Variants in NPAS2 observed in about 807,000 individuals in gnomAD.
NPAS2 encodes the protein neuronal PAS domain protein 2, also known as neuronal PAS domain-containing protein 2.
NPAS2 carries 23 observed loss-of-function variants against 107.5 expected under a neutral mutation model. The observed-to-expected ratio is 0.21, with a 90% CI of 0.15 to 0.30. NPAS2 has a LOEUF of 0.30. NPAS2 is among the 10% of genes least tolerant of loss of function. The pLI, the probability that NPAS2 is intolerant of heterozygous loss-of-function variation, is 1.00. For synonymous variants in NPAS2, 403 were observed against 417.5 expected, an observed-to-expected ratio of 0.97 and a Z score of 0.42; for missense variants, 756 against 1,043.3, an observed-to-expected ratio of 0.72 and a Z score of 3.79.
intron 4 of NPAS2, among the ~76,000 whole-genome samples, chr2:100,936,013 A>G (rs1684277114): frequency 6.6e-6 from 1 of 152,192 alleles, no homozygotes. Context: ...AAATGCCTCC[A>G]GACATTACCA....
chr2:100,982,115 TG>T, intron 15 of NPAS2, 115 bp from the exon 16 acceptor site: 1 of 1,293,470 alleles, frequency 7.7e-7, no homozygotes, highest in Non-Finnish European at 1.1e-6. Context: ...TTAGGGATGC[TG>T]GGAAAGACGG....
chr2:100,972,563 G>A (rs1163214356), intron 12 of NPAS2: 2 of 152,284 alleles, frequency 1.3e-5, no homozygotes, highest in African/African-American at 4.8e-5. Context: ...CAAGATCAGA[G>A]AGCAGTGGGT....
intron 1 of NPAS2, among the ~76,000 whole-genome samples, chr2:100,904,265 G>A (rs981399970): frequency 2.6e-5 from 4 of 152,276 alleles, no homozygotes; most frequent in South Asian, 2.1e-4. Context: ...AGGTGCGTGC[G>A]ACCTAAGGCT....
intron 1 of NPAS2, among the ~76,000 whole-genome samples, chr2:100,821,402 C>G (rs988272292): frequency 1.3e-5 from 2 of 151,980 alleles, no homozygotes; most frequent in African/African-American, 4.8e-5. Flanking sequence ...AGAGGAGTTT[C>G]GTCTTTACGC....
chr2:100,834,813 G>A (rs1195653814), intron 1 of NPAS2, among the ~76,000 whole-genome samples: 1 of 152,060 alleles, frequency 6.6e-6, no homozygotes, highest in East Asian at 1.9e-4. Flanking sequence ...TCCTGCCTCA[G>A]CCTCCCAAGT....
chr2:100,879,570 AT>A (rs1258734303), intron 1 of NPAS2, among the ~76,000 whole-genome samples: 1 of 151,680 alleles, frequency 6.6e-6, no homozygotes, highest in African/African-American at 2.4e-5. Context: ...TTAATTCCGC[AT>A]GTAAGTGAGA....
intron 2 of NPAS2, among the ~76,000 whole-genome samples, chr2:100,920,986 G>A (rs1384491024): frequency 6.6e-6 from 1 of 152,236 alleles, no homozygotes; most frequent in Admixed American, 6.5e-5. Flanking sequence ...ACAAACACCA[G>A]CCTCCTGTTA....
At chr2:100,864,622 A>G (rs531845242) in intron 1 of NPAS2, among the ~76,000 whole-genome samples, 1 of 152,362 alleles carries the variant, frequency 6.6e-6, no homozygotes, top group South Asian at 2.1e-4. Context: ...GAACATCTAC[A>G]TAACAAAGAA....
At chr2:100,956,786 C>T (rs1472914575) in intron 7 of NPAS2, among the ~76,000 whole-genome samples, 1 of 152,210 alleles carries the variant, frequency 6.6e-6, no homozygotes, top group South Asian at 2.1e-4. Flanking sequence ...AGGATCCCAT[C>T]TTGTTGTCTG....
intron 1 of NPAS2, among the ~76,000 whole-genome samples, chr2:100,848,466 A>G (rs911405852): frequency 6.6e-6 from 1 of 152,176 alleles, no homozygotes; most frequent in Non-Finnish European, 1.5e-5. Context: ...GGAGGATTTA[A>G]AGGAGGAGGA....
At chr2:100,828,162 A>G (rs1467296268) in intron 1 of NPAS2, among the ~76,000 whole-genome samples, 3 of 152,090 alleles carry the variant, frequency 2.0e-5, no homozygotes, top group African/African-American at 7.2e-5. Context: ...TTATCTGATG[A>G]TTAGTGATAT....
intron 4 of NPAS2, among the ~76,000 whole-genome samples, chr2:100,933,359 A>G (rs1245835663): frequency 6.6e-6 from 1 of 152,238 alleles, no homozygotes. Context: ...TTTGACTCAG[A>G]GAGTCTTCTC....
intron 1 of NPAS2, chr2:100,877,846 C>T (rs1291976090): frequency 2.0e-6 from 1 of 509,260 alleles, no homozygotes; most frequent in Non-Finnish European, 2.5e-6. Context: ...CTTTTTATTT[C>T]ATTTCACATA....
intron 1 of NPAS2, among the ~76,000 whole-genome samples, chr2:100,901,028 G>A (rs1331094716): frequency 6.6e-6 from 1 of 152,034 alleles, no homozygotes. Context: ...AAGCATGATG[G>A]TGATTTTCTA....
At chr2:100,928,267 A>G (rs1683706362) in intron 3 of NPAS2, among the ~76,000 whole-genome samples, 1 of 152,142 alleles carries the variant, frequency 6.6e-6, no homozygotes, top group African/African-American at 2.4e-5. Flanking sequence ...GCAGTATTTG[A>G]TTGCCCTGAT....
At position 100,982,327 on chromosome 2, in the gene NPAS2, C is replaced by G; in HGVS notation, c.1579C>G (p.Leu527Val). 6.2e-7 allele frequency: 1 copy of G among 1,614,184 alleles called. No homozygotes were observed. The highest frequency in any genetic ancestry group is 8.5e-7 in the Non-Finnish European group (1 of 1,180,034). The change falls in exon 16 of 21, where the codon CTC becomes GTC. Residue 527 changes from leucine to valine, a missense_variant. Transcript: ENST00000335681. ...QANIRWQQEE[L>V]HKIQEQLCLV... is the part of the protein sequence containing the mutation. ...CAATATCCGGTGGCAACAGGAAGAG[C>G]TCCACAAGATCCAGGAGCAGCTCTG...
At chr2:100,923,136 C>T (rs1683342393) in intron 2 of NPAS2, among the ~76,000 whole-genome samples, 1 of 152,198 alleles carries the variant, frequency 6.6e-6, no homozygotes, top group Non-Finnish European at 1.5e-5. Flanking sequence ...CAAGACTCCG[C>T]AACATCTTGC....
rs190485599 is a variant in NPAS2 at position 100,925,780 on chromosome 2, T to C, written c.181+486T>C. Among the ~76,000 whole-genome samples, 436 of 152,356 alleles carry C rather than the reference T, an allele frequency of 2.9e-3. 1 individual carries two copies. Among genetic ancestry groups the C allele is most frequent in the Non-Finnish European group, 5.1e-3 (350 of 68,034 alleles). Reference sequence around the variant, plus strand: ...TTTATTTTCTTAATGTCACATTCATTCTGTTTTTATTGAGATATAATGTTT... The same window carrying C: ...TTTATTTTCTTAATGTCACATTCATCCTGTTTTTATTGAGATATAATGTTT... On this transcript the variant is annotated intron_variant, in intron 3 of 20. Transcript: ENST00000335681.
Position 100,971,073 on chromosome 2 carries a change from A to G in NPAS2, c.1139A>G (p.Lys380Arg). The change falls in exon 12 of 21, where the codon AAG (lysine) becomes AGG (arginine). Residue 380 changes from lysine (K) to arginine (R), a missense_variant and splice_region_variant. Lys to Arg is a conservative substitution (Grantham distance 26, BLOSUM62 2). Around this residue, in one of 4 missense-constraint regions of NPAS2, gnomAD observed 496 missense variants for 594.4 expected, o/e 0.83. Coordinates refer to ENST00000335681, the MANE Select transcript of NPAS2 (RefSeq NM_002518.4). Reference protein sequence around the residue: ...PSEALHSSALKDKGSSLEPRQ... With the variant: ...PSEALHSSALRDKGSSLEPRQ... ...GAGGCCCTCCACTCCTCAGCACTAA[A>G]GGTACGCCCATCCCTGCCAGATGGA... 6.2e-7 allele frequency: 1 copy of G among 1,614,012 alleles called. No homozygotes were observed. Among genetic ancestry groups the G allele is most frequent in the East Asian group, 2.2e-5 (1 of 44,872 alleles).
Sources: gnomAD v4.1 joint callset for allele counts (sites outside exome capture counted in the v4.1 genomes callset) on GRCh38, gnomAD v4.1.1 for gene constraint, gnomAD v4.1.1 regional missense constraint, MANE v1.5 for transcripts, NCBI Gene and HGNC (gene_info 2026-07-23, HGNC 2026-07-21) for gene names.